The following TSHZ2 variants were observed in gnomAD, a reference collection of about 807,000 sequenced individuals.
TSHZ2 encodes the protein teashirt zinc finger homeobox 2, also known as teashirt homolog 2.
A neutral mutation model predicts 74.4 loss-of-function variants in TSHZ2; 21 were observed. The observed-to-expected ratio is 0.28, with a 90% CI of 0.20 to 0.41. The LOEUF is 0.41. Ranked by LOEUF, TSHZ2 falls within the 10% of genes least tolerant of loss-of-function variation. TSHZ2 has a pLI of 1.00. For synonymous variants in TSHZ2, 540 were observed against 515.3 expected (o/e 1.05, Z -0.65); for missense variants, 1,244 against 1,293.5 (o/e 0.96, Z 0.59).
intron 1 of TSHZ2, among the ~76,000 whole-genome samples, chr20:53,252,354 C>G (rs914950967): frequency 1.1e-4 from 16 of 152,186 alleles, no homozygotes; most frequent in African/African-American, 3.9e-4. Flanking sequence ...AGAGAGGAGA[C>G]AGAAGTTCAT....
intron 2 of TSHZ2, among the ~76,000 whole-genome samples, chr20:53,387,535 G>A (rs1276840222): frequency 1.3e-5 from 2 of 152,174 alleles, no homozygotes; most frequent in Admixed American, 6.5e-5. Flanking sequence ...AGGCCAGCTG[G>A]GGTAAATCAA....
chr20:53,153,420 A>G (rs1302453103), intron 1 of TSHZ2, among the ~76,000 whole-genome samples: 1 of 152,190 alleles, frequency 6.6e-6, no homozygotes, highest in Non-Finnish European at 1.5e-5. Context: ...TGACCACATC[A>G]AATTGTATAT....
At chr20:53,145,084 G>C (rs1987507566) in intron 1 of TSHZ2, among the ~76,000 whole-genome samples, 1 of 152,094 alleles carries the variant, frequency 6.6e-6, no homozygotes, top group Admixed American at 6.5e-5. Context: ...GAAAATTTGG[G>C]CCTGAGGATC....
chr20:53,255,082 C>T lies in TSHZ2; in HGVS notation c.1624C>T (p.Pro542Ser), dbSNP rs1227612046. 1 of 1,614,148 alleles carries T rather than the reference C, an allele frequency of 6.2e-7. No individual in the cohort carries two copies. The highest frequency in any genetic ancestry group is 1.7e-5 in the Admixed American group (1 of 60,034). Residue 542 changes from proline (P) to serine (S), a missense_variant, in exon 2 of 3, where the codon CCC becomes TCC. Pro to Ser is a moderately conservative substitution (Grantham distance 74, BLOSUM62 -1). This residue lies in a region of TSHZ2 where 562 missense variants were observed against 544.0 expected (regional missense o/e 1.03). Coordinates refer to ENST00000371497, the MANE Select transcript of TSHZ2 (RefSeq NM_173485.6). The surrounding 1 kb of genome is among the most constrained non-coding windows in gnomAD (Gnocchi z 4.1). ...QNGAPSWSAY[P>S]SIHAAYQLSE... ...CGGGGCCCCCAGCTGGAGTGCCTAC[C>T]CCAGCATCCACGCAGCCTACCAGCT...
At chr20:53,444,683 C>T (rs976288965) in intron 2 of TSHZ2, among the ~76,000 whole-genome samples, 3 of 152,142 alleles carry the variant, frequency 2.0e-5, no homozygotes, top group East Asian at 1.9e-4. Flanking sequence ...CATTCTAGCC[C>T]GGGAAGTTTC....
At chr20:52,986,892 TTGTGTGTG>T (rs149965419) in intron 1 of TSHZ2, among the ~76,000 whole-genome samples, 1,602 of 151,418 alleles carry the variant, frequency 0.011, 26 homozygotes, top group African/African-American at 0.036. Context: ...AAAAAATCAA[TTGTGTGTG>T]TGTGTGGTGT....
At chr20:53,094,940 T>A (rs1273349897) in intron 1 of TSHZ2, among the ~76,000 whole-genome samples, 1 of 152,220 alleles carries the variant, frequency 6.6e-6, no homozygotes, top group Non-Finnish European at 1.5e-5. Context: ...AATTTGCAGA[T>A]GCCTTCTTAT....
At chr20:53,173,276 C>T (rs6123256) in intron 1 of TSHZ2, among the ~76,000 whole-genome samples, 13,278 of 152,236 alleles carry the variant, frequency 0.087, 760 homozygotes, top group East Asian at 0.22. Context: ...AAACTATATC[C>T]TATCCACCTG....
At chr20:53,030,958 ATATT>A (rs1983613211) in intron 1 of TSHZ2, among the ~76,000 whole-genome samples, 1 of 152,340 alleles carries the variant, frequency 6.6e-6, no homozygotes, top group Non-Finnish European at 1.5e-5. Context: ...TGGATAGGAC[ATATT>A]TATTTAACCT....
chr20:53,014,685 T>C (rs1568720107), intron 1 of TSHZ2, among the ~76,000 whole-genome samples: 1 of 152,148 alleles, frequency 6.6e-6, no homozygotes, highest in South Asian at 2.1e-4. Flanking sequence ...GCATTTTGTA[T>C]CTATCTCTTG....
At chr20:53,187,696 GTT>G (rs11475446) in intron 1 of TSHZ2, among the ~76,000 whole-genome samples, 5 of 150,092 alleles carry the variant, frequency 3.3e-5, no homozygotes, top group Admixed American at 1.3e-4. Context: ...TCTCAGTGCT[GTT>G]TTTTTTTAAG....
chr20:53,444,111 G>C (rs901554369), intron 2 of TSHZ2, among the ~76,000 whole-genome samples: 17 of 152,278 alleles, frequency 1.1e-4, no homozygotes, highest in African/African-American at 3.6e-4. Flanking sequence ...GTCACCCTAT[G>C]TTTGAACAAA....
At chr20:52,982,406 G>C (rs1981600932) in intron 1 of TSHZ2, among the ~76,000 whole-genome samples, 1 of 152,178 alleles carries the variant, frequency 6.6e-6, no homozygotes, top group Admixed American at 6.5e-5. Flanking sequence ...AAGCTATGGG[G>C]TTAATTGAGA....
At chr20:53,171,062 C>T (rs1299226356) in intron 1 of TSHZ2, among the ~76,000 whole-genome samples, 1 of 151,714 alleles carries the variant, frequency 6.6e-6, no homozygotes, top group East Asian at 1.9e-4. Context: ...CGAGTTTCAT[C>T]TCTTACTTAA....
intron 1 of TSHZ2, among the ~76,000 whole-genome samples, chr20:53,230,265 G>T (rs764878360): frequency 6.6e-6 from 1 of 152,176 alleles, no homozygotes; most frequent in Non-Finnish European, 1.5e-5. Context: ...TAAATGAACA[G>T]AATAGAAAGT....
intron 2 of TSHZ2, among the ~76,000 whole-genome samples, chr20:53,464,914 G>A (rs768018126): frequency 1.3e-5 from 2 of 152,172 alleles, no homozygotes; most frequent in African/African-American, 2.4e-5. Context: ...TTACAGGCAT[G>A]AGCCACCACG....
intron 2 of TSHZ2, among the ~76,000 whole-genome samples, chr20:53,431,650 T>G (rs1397420050): frequency 6.6e-6 from 1 of 152,146 alleles, no homozygotes; most frequent in Admixed American, 6.6e-5. Context: ...ATTATTCCCA[T>G]TTATAAAAAG....
At chr20:53,260,238 A>G (rs1469759670) in intron 2 of TSHZ2, among the ~76,000 whole-genome samples, 1 of 152,232 alleles carries the variant, frequency 6.6e-6, no homozygotes, top group Admixed American at 6.5e-5. Flanking sequence ...TGCAGCAAGC[A>G]CTTTGCAAAC....
intron 1 of TSHZ2, among the ~76,000 whole-genome samples, chr20:53,211,510 A>G (rs201241477): frequency 9.1e-6 from 1 of 109,386 alleles, no homozygotes; most frequent in African/African-American, 5.6e-5. Context: ...TGCCTGAAAT[A>G]AAAAAAAAAA....
Sources: allele counts gnomAD v4.1 joint callset (sites outside exome capture counted in the v4.1 genomes callset), GRCh38; gene constraint gnomAD v4.1.1; regional missense constraint gnomAD v4.1.1; non-coding constraint Gnocchi (gnomAD v3.1); transcripts MANE v1.5; gene names NCBI Gene and HGNC (gene_info 2026-07-23, HGNC 2026-07-21).